The following MGME1 variants were observed in gnomAD, a reference collection of about 807,000 sequenced individuals.
The protein encoded by MGME1 is mitochondrial genome maintenance exonuclease 1, also known as chromosome 20 open reading frame 72.
In MGME1, 22 loss-of-function variants were observed where a neutral mutation model predicts 33.0. That is an observed-to-expected ratio of 0.67 (90% CI 0.48 to 0.95). MGME1 has a LOEUF of 0.95. Among genes scored for constraint, MGME1 ranks in the 40% least tolerant of loss-of-function variants. The pLI, the probability that MGME1 is intolerant of heterozygous loss-of-function variation, is 0.00. For missense variants in MGME1, 383 were observed against 397.8 expected (o/e 0.96, Z 0.32); for synonymous variants, 133 against 144.0 (o/e 0.92, Z 0.55).
intron 4 of MGME1, among the ~76,000 whole-genome samples, 157 bp downstream of exon 4, chr20:17,988,455 A>C (rs1230198750): frequency 6.6e-6 from 1 of 152,072 alleles, no homozygotes; most frequent in African/African-American, 2.4e-5. Flanking sequence ...CAGCCTGGCC[A>C]ATATGGTGAA....
intron 3 of MGME1, among the ~76,000 whole-genome samples, chr20:17,976,284 T>C (rs1176153950): frequency 6.6e-6 from 1 of 151,994 alleles, no homozygotes; most frequent in Admixed American, 6.6e-5. Flanking sequence ...CCACCGCACC[T>C]GGCTAATTTT....
At chr20:17,976,052 G>A in intron 3 of MGME1, 149 bp downstream of exon 3, 1 of 634,748 alleles carries the variant, frequency 1.6e-6, no homozygotes, top group Non-Finnish European at 2.8e-6. Context: ...TTGAGAACAG[G>A]TACAAGGAGA....
chr20:17,987,677 A>G (rs1303911824), intron 3 of MGME1, among the ~76,000 whole-genome samples: 2 of 152,172 alleles, frequency 1.3e-5, no homozygotes, highest in Admixed American at 6.6e-5. Flanking sequence ...GTCTAGAGCT[A>G]TAGTGACATG....
rs2035755018 is a variant in MGME1 at position 17,972,447 on chromosome 20, T to C, written c.511+2077T>C. Among the ~76,000 whole-genome samples the C allele has an allele frequency of 2.0e-5, 3 of 151,498 alleles. No individual in the cohort carries two copies. In the South Asian group the frequency reaches 6.2e-4, roughly 32 times the overall value. On this transcript the variant is annotated intron_variant, in intron 2 of 4. Coordinates refer to ENST00000377710, the MANE Select transcript of MGME1 (RefSeq NM_052865.4). ...GGGTTTAGGTTTTAATTTTTTTTTTTTTTTTTTTGCTACGCTGATTTAATC... is the reference window on the plus strand; with the variant it reads ...GGGTTTAGGTTTTAATTTTTTTTTTCTTTTTTTTGCTACGCTGATTTAATC...
At chr20:17,984,280 T>C (rs2036102167) in intron 3 of MGME1, among the ~76,000 whole-genome samples, 1 of 152,332 alleles carries the variant, frequency 6.6e-6, no homozygotes, top group Admixed American at 6.5e-5. Flanking sequence ...TTTTATGCTA[T>C]TATCATGCTG....
In MGME1 at chr20:17,990,006, C is replaced by T; in HGVS notation, c.932C>T (p.Ala311Val). The T allele has an allele frequency of 6.2e-7, 1 of 1,614,122 alleles. No individual in the cohort carries two copies. The highest frequency in any genetic ancestry group is 8.5e-7 in the Non-Finnish European group (1 of 1,180,006). The change falls in exon 5 of 5, where the codon GCA (alanine) becomes GTA (valine). Residue 311 changes from alanine (A) to valine (V), a missense_variant. Transcript: ENST00000377710. ...GSPAHPHFMDAELCSQYWTKW... is the reference protein window; with the variant it reads ...GSPAHPHFMDVELCSQYWTKW... Reference sequence around the variant, plus strand: ...CCTGCCCACCCACATTTCATGGATGCAGAGCTCTGTTCCCAGTACTGGACC... The same window carrying T: ...CCTGCCCACCCACATTTCATGGATGTAGAGCTCTGTTCCCAGTACTGGACC...
At chr20:17,989,102 T>C (rs2036226546) in intron 4 of MGME1, among the ~76,000 whole-genome samples, 1 of 147,064 alleles carries the variant, frequency 6.8e-6, no homozygotes, top group African/African-American at 2.5e-5. Context: ...AATAAATAAA[T>C]AGGCCAGGTG....
intron 3 of MGME1, among the ~76,000 whole-genome samples, chr20:17,978,740 A>G (rs2035930147): frequency 6.6e-6 from 1 of 152,120 alleles, no homozygotes; most frequent in Non-Finnish European, 1.5e-5. Context: ...AACCTTGGTA[A>G]TATGAACATT....
At chr20:17,968,782 C>A (rs73901137), upstream of MGME1, 5,209 of 304,742 alleles carry the variant, frequency 0.017, 266 homozygotes, top group African/African-American at 0.11. Flanking sequence ...CAGCAAGACG[C>A]GTCTAGAGAA....
Position 17,975,750 on chromosome 20 carries a change from T to G in MGME1, c.578T>G (p.Leu193Ter). ...AGCATACTTTCACCCCAGGAAACCT[T>G]AAAAGAGAGAGATGAAAATCTCCTC... Reference protein sequence around the residue: ...LESILSPQETLKERDENLLKS... With the variant: ...LESILSPQET Residue 193 changes from leucine to a stop codon, truncating the protein, a stop_gained, in exon 3 of 5, where the codon TTA becomes TGA. Coordinates refer to ENST00000377710, the MANE Select transcript of MGME1 (RefSeq NM_052865.4). LOFTEE classifies it high-confidence loss of function. 6.2e-7 allele frequency: 1 copy of G among 1,614,072 alleles called. No homozygotes were observed. The highest frequency in any genetic ancestry group is 8.5e-7 in the Non-Finnish European group (1 of 1,180,002).
chr20:17,974,051 C>G (rs1442780872), intron 2 of MGME1, among the ~76,000 whole-genome samples: 1 of 135,606 alleles, frequency 7.4e-6, no homozygotes, highest in Non-Finnish European at 1.6e-5. Context: ...TTTGTTGAGT[C>G]TCTTTGTGTG....
chr20:17,971,328 G>A lies in MGME1; in HGVS notation c.511+958G>A, dbSNP rs146344157. ...TCCTTATAATATTCCTCAGCTGTGT[G>A]GGGCAAGGATTATATATGCAAGAGC... On this transcript the variant is annotated intron_variant, in intron 2 of 4. Transcript: ENST00000377710. 8.0e-3 allele frequency among the ~76,000 whole-genome samples: 1,211 copies of A among 152,254 alleles called. 9 individuals carry two copies. The highest frequency in any genetic ancestry group is 0.013 in the Non-Finnish European group (891 of 68,028).
intron 3 of MGME1, among the ~76,000 whole-genome samples, chr20:17,987,965 A>T (rs943944556): frequency 6.6e-6 from 1 of 152,136 alleles, no homozygotes; most frequent in African/African-American, 2.4e-5. Context: ...AGGTGGGAGG[A>T]TCACTTGAGC....
intron 3 of MGME1, among the ~76,000 whole-genome samples, chr20:17,984,662 T>A (rs7265969): frequency 7.8e-4 from 119 of 152,236 alleles, no homozygotes; most frequent in African/African-American, 2.5e-3. Flanking sequence ...CTAATGTGTA[T>A]GTTTGTGTCT....
chr20:17,971,118 TTTTTG>T (rs2035717180), intron 2 of MGME1, among the ~76,000 whole-genome samples: 1 of 152,230 alleles, frequency 6.6e-6, no homozygotes, highest in Admixed American at 6.5e-5. Context: ...AACTCTTTCA[TTTTTG>T]TTTTAAGAAT....
At chr20:17,968,805 G>C (rs1348845963), upstream of MGME1, 2 of 258,014 alleles carry the variant, frequency 7.8e-6, no homozygotes, top group Admixed American at 5.7e-5. Flanking sequence ...ACCGCGTTTC[G>C]GTGCGGGGGG....
rs143218981 is a variant in MGME1 at position 17,988,276 on chromosome 20, A to G, written c.842A>G (p.His281Arg). The change falls in exon 4 of 5, where the codon CAT becomes CGT. Residue 281 changes from histidine (H) to arginine (R), a missense_variant. By Grantham distance (29) the His-to-Arg change is conservative. Transcript: ENST00000377710. Reference protein sequence around the residue: ...QVVAYMGAMNHDTNYSFQVQC... With the variant: ...QVVAYMGAMNRDTNYSFQVQC... ...GTGGCATACATGGGTGCCATGAACC[A>G]TGATACCAACTACAGCTTTCAGGTC... is the stretch of plus-strand genomic sequence containing the variant. 1.6e-4 allele frequency: 251 copies of G among 1,614,056 alleles called. No homozygotes were observed. In the African/African-American group the frequency reaches 3.1e-3, roughly 20 times the overall value.
At chr20:17,982,134 A>AT (rs2036038716) in intron 3 of MGME1, among the ~76,000 whole-genome samples, 1 of 151,778 alleles carries the variant, frequency 6.6e-6, no homozygotes, top group African/African-American at 2.4e-5. Context: ...TTGTTTATTT[A>AT]TTTTTTTTCT....
intron 2 of MGME1, 21 bp from the exon 3 acceptor site, chr20:17,975,663 T>C (rs754109336): frequency 3.8e-6 from 6 of 1,594,008 alleles, no homozygotes; most frequent in Non-Finnish European, 5.2e-6. Flanking sequence ...CCCCTCCCCT[T>C]TTCCCTGATT....
Sources: allele counts gnomAD v4.1 joint callset (sites outside exome capture counted in the v4.1 genomes callset), GRCh38; gene constraint gnomAD v4.1.1; transcripts MANE v1.5; gene names NCBI Gene and HGNC (gene_info 2026-07-23, HGNC 2026-07-21).